The following RUBCN variants were observed in gnomAD, a reference collection of about 807,000 sequenced individuals.
The protein encoded by RUBCN is rubicon autophagy regulator.
RUBCN carries 74 observed loss-of-function variants against 113.2 expected under a neutral mutation model. The observed-to-expected ratio is 0.65, with a 90% CI of 0.54 to 0.79. The LOEUF is 0.79. Among genes scored for constraint, RUBCN ranks in the 30% least tolerant of loss-of-function variants. RUBCN has a pLI of 0.00. For synonymous variants in RUBCN, 480 were observed against 490.0 expected (o/e 0.98, Z 0.27); for missense variants, 1,109 against 1,251.7 (o/e 0.89, Z 1.72).
chr3:197,684,071 G>T, intron 12 of RUBCN, 86 bp downstream of exon 12: 3 of 1,071,296 alleles, frequency 2.8e-6, no homozygotes, highest in African/African-American at 1.6e-5. Flanking sequence ...GGATGGCTTT[G>T]CCCAGCCATA....
At position 197,704,457 on chromosome 3, in the gene RUBCN, G is replaced by A. The variant is rs1251538174; in HGVS notation, c.463+85C>T. 1.3e-4 allele frequency: 170 copies of A among 1,291,540 alleles called. No individual in the cohort carries two copies. The East Asian group carries it at 3.9e-3, about 29-fold the overall frequency. 80.0% of individuals were successfully genotyped at this position (1,291,540 alleles called of 1,614,324 possible). A position where few individuals can be genotyped will look rare whatever the true frequency, so the allele number is the denominator to read the frequency against. ...CTCAAAGAAAAAAAGAAAAATAGGA[G>A]GCCCTGGTACCAGAGGGGTAGAGGA... On this transcript the variant is annotated intron_variant, in intron 4 of 19. Transcript: ENST00000296343.
rs574079403 is a variant in RUBCN, at chr3:197,734,292, G to A, written c.65+2363C>T. 8.0e-5 allele frequency among the ~76,000 whole-genome samples: 12 copies of A among 150,790 alleles called. No individual in the cohort carries two copies. In the South Asian group the frequency reaches 1.9e-3, roughly 24 times the overall value. ...AAAAAAAAGTGCAGTCTCTTGGGCC[G>A]GCATGGTCGCTCATGCCTGTAACCT... On this transcript the variant is annotated intron_variant, in intron 1 of 19. Coordinates refer to ENST00000296343, the MANE Select transcript of RUBCN (RefSeq NM_014687.4).
rs868540995 is a variant in RUBCN, at chr3:197,724,233, T to C, written c.66-6103A>G. 7.9e-5 allele frequency among the ~76,000 whole-genome samples: 12 copies of C among 152,282 alleles called. 1 individual carries two copies. The highest frequency in any genetic ancestry group is 3.4e-3 in the Middle Eastern group (1 of 294). ...AAAACCAGTTTTCCTAGATGCCAAC[T>C]CAGTCTTAAGCTCACCATGTTATAA... On this transcript the variant is annotated intron_variant, in intron 1 of 19. Coordinates refer to ENST00000296343, the MANE Select transcript of RUBCN (RefSeq NM_014687.4).
intron 7 of RUBCN, among the ~76,000 whole-genome samples, 175 bp from the exon 8 acceptor site, chr3:197,697,224 G>T (rs898414230): frequency 6.6e-6 from 1 of 152,096 alleles, no homozygotes; most frequent in Non-Finnish European, 1.5e-5. Flanking sequence ...GAGGGAAGGA[G>T]ATGGCAGGTC....
intron 1 of RUBCN, among the ~76,000 whole-genome samples, chr3:197,732,638 C>G (rs993283885): frequency 2.0e-5 from 3 of 152,186 alleles, no homozygotes; most frequent in African/African-American, 7.2e-5. Context: ...ACCAGGCAAC[C>G]TCAAAATAAC....
intron 1 of RUBCN, among the ~76,000 whole-genome samples, chr3:197,734,441 C>T (rs1170954767): frequency 2.0e-5 from 3 of 151,578 alleles, no homozygotes; most frequent in Non-Finnish European, 2.9e-5. Context: ...ACTCTGGTGC[C>T]GAACTGCCTG....
At chr3:197,693,625 T>C in intron 11 of RUBCN, 90 bp downstream of exon 11, 1 of 892,610 alleles carries the variant, frequency 1.1e-6, no homozygotes, top group Non-Finnish European at 1.9e-6. Flanking sequence ...ATAATGAAGA[T>C]CTTCTACTTA....
chr3:197,727,067 G>A (rs185687026), intron 1 of RUBCN, among the ~76,000 whole-genome samples: 128 of 151,568 alleles, frequency 8.4e-4, no homozygotes, highest in African/African-American at 3.0e-3. Flanking sequence ...AGCCTCCCAA[G>A]TAGCTGAGAT....
chr3:197,696,643 A>G (rs979119929), intron 8 of RUBCN, among the ~76,000 whole-genome samples: 3 of 151,970 alleles, frequency 2.0e-5, no homozygotes, highest in African/African-American at 7.3e-5. Context: ...AAGCCCAGAT[A>G]CTCCAAGGCC....
At chr3:197,678,014 C>T (rs1294981467) in intron 16 of RUBCN, among the ~76,000 whole-genome samples, 7 of 132,730 alleles carry the variant, frequency 5.3e-5, no homozygotes, top group South Asian at 3.0e-4. Context: ...GACTGTCCCA[C>T]GCTCTAACTC....
At chr3:197,702,536 A>G (rs929500956) in intron 5 of RUBCN, among the ~76,000 whole-genome samples, 3 of 152,062 alleles carry the variant, frequency 2.0e-5, no homozygotes, top group Admixed American at 6.5e-5. Context: ...GGTGGCGTGC[A>G]CCTGTAATCC....
intron 1 of RUBCN, among the ~76,000 whole-genome samples, chr3:197,720,544 A>G (rs1726032941): frequency 6.6e-6 from 1 of 151,962 alleles, no homozygotes; most frequent in Non-Finnish European, 1.5e-5. Context: ...TGTAGCTGGG[A>G]CTACAGGCGC....
upstream of RUBCN, chr3:197,736,942 G>A (rs1205456609): frequency 7.5e-7 from 1 of 1,332,504 alleles, no homozygotes; most frequent in Non-Finnish European, 9.6e-7. Flanking sequence ...CCCCCGGCGA[G>A]CACTCCGAGG....
At chr3:197,738,775 A>G (rs1728371695), upstream of RUBCN, among the ~76,000 whole-genome samples, 2 of 151,084 alleles carry the variant, frequency 1.3e-5, no homozygotes, top group Admixed American at 6.6e-5. Context: ...AATTTTTGGT[A>G]GAGACAGGGT....
In RUBCN at chr3:197,671,259, C is replaced by T. The variant is rs1719764292; in HGVS notation, c.*3759G>A. On this transcript the variant is annotated 3_prime_UTR_variant, in exon 20 of 20. Transcript: ENST00000296343. ...GAATTCCTGACCTCAGGTGATCCCC[C>T]TGCCTTGGTCTCTCAAAGTACTGGA... is the stretch of plus-strand genomic sequence containing the variant. The T allele has an allele frequency of 6.6e-6, 1 of 152,180 alleles. No homozygotes were observed. Among genetic ancestry groups the T allele is most frequent in the South Asian group, 2.1e-4 (1 of 4,834 alleles). The allele number at this position is 152,180 out of a possible 1,614,324, so 9.4% of individuals were successfully genotyped here.
intron 1 of RUBCN, among the ~76,000 whole-genome samples, chr3:197,721,222 G>A (rs781328405): frequency 1.1e-4 from 16 of 152,152 alleles, no homozygotes; most frequent in Non-Finnish European, 2.4e-4. Flanking sequence ...GTAGAATTCG[G>A]CAGTGACAAC....
chr3:197,698,072 C>T (rs1158483366), intron 7 of RUBCN, among the ~76,000 whole-genome samples: 5 of 152,184 alleles, frequency 3.3e-5, no homozygotes, highest in African/African-American at 1.2e-4. Context: ...CCAAACAGCA[C>T]ACAACACAAA....
At chr3:197,685,776 C>A (rs1721771708) in intron 11 of RUBCN, among the ~76,000 whole-genome samples, 1 of 152,164 alleles carries the variant, frequency 6.6e-6, no homozygotes. Context: ...AAACCCAGAT[C>A]CCAGTGCACT....
intron 1 of RUBCN, among the ~76,000 whole-genome samples, chr3:197,735,355 C>T (rs186942331): frequency 4.6e-5 from 7 of 152,330 alleles, no homozygotes; most frequent in Admixed American, 4.6e-4. Flanking sequence ...GCCGTGTTCA[C>T]GGCACTGCGC....
Sources: gnomAD v4.1 joint callset for allele counts (sites outside exome capture counted in the v4.1 genomes callset) on GRCh38, gnomAD v4.1.1 for gene constraint, MANE v1.5 for transcripts, NCBI Gene and HGNC (gene_info 2026-07-23, HGNC 2026-07-21) for gene names.